MYO18B: variants seen among roughly 807,000 people sequenced by gnomAD.
MYO18B encodes the protein unconventional myosin-XVIIIb.
Under a neutral mutation model 273.0 loss-of-function variants are expected in MYO18B, and 204 were observed. The observed-to-expected ratio is 0.75, with a 90% CI of 0.67 to 0.84. MYO18B has a LOEUF of 0.84. Ranked by LOEUF, MYO18B falls within the 40% of genes least tolerant of loss-of-function variation. The pLI is 0.00. For missense variants in MYO18B, 3,212 were observed against 3,287.6 expected, an observed-to-expected ratio of 0.98 and a Z score of 0.56; for synonymous variants, 1,330 against 1,305.7, an observed-to-expected ratio of 1.02 and a Z score of -0.40.
chr22:25,760,112 G>A (rs2086255036), intron 1 of MYO18B, among the ~76,000 whole-genome samples: 1 of 152,210 alleles, frequency 6.6e-6, no homozygotes, highest in South Asian at 2.1e-4. Context: ...CATGGTGTTA[G>A]AAGTCAGAAT....
In MYO18B at chr22:25,981,348, G is replaced by T. The variant is rs562090496; in HGVS notation, c.6157-11015G>T. ...AAGATCTTTTGATGTTACTGTGACA[G>T]CCAGCCTCCCAGATGGTTCTCAGTG... On this transcript the variant is annotated intron_variant, in intron 39 of 43. Transcript: ENST00000335473. Among the ~76,000 whole-genome samples, 5 of 152,298 alleles carry T rather than the reference G, an allele frequency of 3.3e-5. No individual in the cohort carries two copies. The East Asian group carries it at 9.6e-4, about 29-fold the overall frequency.
At chr22:25,804,619 G>A (rs1453151556) in intron 12 of MYO18B, among the ~76,000 whole-genome samples, 2 of 152,218 alleles carry the variant, frequency 1.3e-5, no homozygotes, top group African/African-American at 4.8e-5. Context: ...GAGCACTCCT[G>A]AAGTCTAAGC....
At chr22:26,007,746 C>T (rs1471838218) in intron 42 of MYO18B, among the ~76,000 whole-genome samples, 1 of 152,162 alleles carries the variant, frequency 6.6e-6, no homozygotes, top group East Asian at 1.9e-4. Context: ...AGGGAAATAT[C>T]TTATCCAAAT....
intron 27 of MYO18B, among the ~76,000 whole-genome samples, chr22:25,893,830 C>T (rs2091729150): frequency 6.6e-6 from 1 of 151,598 alleles, no homozygotes; most frequent in South Asian, 2.1e-4. Flanking sequence ...TATCCATCTG[C>T]CCATCTACTC....
intron 21 of MYO18B, among the ~76,000 whole-genome samples, chr22:25,863,480 T>C (rs1009882820): frequency 6.6e-6 from 1 of 152,242 alleles, no homozygotes; most frequent in Non-Finnish European, 1.5e-5. Flanking sequence ...TTTAGTATTA[T>C]AACTTGTTTT....
intron 12 of MYO18B, among the ~76,000 whole-genome samples, chr22:25,809,010 C>T (rs1306164259): frequency 6.6e-6 from 1 of 152,118 alleles, no homozygotes; most frequent in Admixed American, 6.5e-5. Context: ...GTGGTGCAAT[C>T]TTGGCTTACA....
intron 1 of MYO18B, among the ~76,000 whole-genome samples, chr22:25,755,960 C>T (rs140298743): frequency 1.4e-4 from 22 of 151,978 alleles, no homozygotes; most frequent in East Asian, 1.4e-3. Context: ...TGCAGTGGCA[C>T]GATGTCAGCT....
the MYO18B span, among the ~76,000 whole-genome samples, chr22:26,057,065 T>C: frequency 6.6e-6 from 1 of 151,984 alleles, no homozygotes; most frequent in Non-Finnish European, 1.5e-5. Context: ...AGTGCAGACG[T>C]TCAAAATAAG....
intron 8 of MYO18B, among the ~76,000 whole-genome samples, chr22:25,778,628 C>T (rs191655115): frequency 6.4e-4 from 97 of 152,016 alleles, no homozygotes; most frequent in African/African-American, 2.0e-3. Context: ...TACAGGTACA[C>T]GCCACCACCC....
downstream of MYO18B, among the ~76,000 whole-genome samples, chr22:26,034,263 C>G (rs1031094391): frequency 6.6e-6 from 1 of 152,212 alleles, no homozygotes. Flanking sequence ...GCGTAGTAAG[C>G]GTCATCCAAG....
intron 11 of MYO18B, among the ~76,000 whole-genome samples, chr22:25,796,295 C>A (rs77043300): frequency 0.016 from 2,374 of 152,210 alleles, 54 homozygotes; most frequent in African/African-American, 0.053. Flanking sequence ...CTGTTAAAAT[C>A]TTTGGCAGGC....
intron 8 of MYO18B, among the ~76,000 whole-genome samples, 174 bp downstream of exon 8, chr22:25,777,955 G>A (rs977946454): frequency 8.5e-5 from 13 of 152,226 alleles, no homozygotes; most frequent in African/African-American, 3.1e-4. Context: ...GGATGCATTT[G>A]TTGAAATTAG....
chr22:25,965,916 C>T (rs189424622), intron 39 of MYO18B, among the ~76,000 whole-genome samples: 141 of 152,280 alleles, frequency 9.3e-4, no homozygotes, highest in African/African-American at 2.9e-3. Context: ...TGTTAGAAGG[C>T]GGTTGGCAGA....
intron 25 of MYO18B, among the ~76,000 whole-genome samples, chr22:25,879,106 C>T (rs930577730): frequency 1.3e-5 from 2 of 152,186 alleles, no homozygotes; most frequent in African/African-American, 4.8e-5. Flanking sequence ...AAATTCAGTG[C>T]ACCACCTGCT....
intron 12 of MYO18B, among the ~76,000 whole-genome samples, chr22:25,806,536 G>A (rs2088487565): frequency 6.6e-6 from 1 of 152,194 alleles, no homozygotes; most frequent in African/African-American, 2.4e-5. Context: ...GAAGGCAGCG[G>A]GAGGGGGCTC....
rs1237098348 is a variant in MYO18B, at chr22:25,763,267, C to A, written c.76C>A (p.Pro26Thr). 2 of 1,611,768 alleles carry A rather than the reference C, an allele frequency of 1.2e-6. No individual in the cohort carries two copies. The highest frequency in any genetic ancestry group is 3.4e-5 in the Admixed American group (2 of 59,368). The change falls in exon 3 of 44, where the codon CCC becomes ACC. Residue 26 changes from proline to threonine, a missense_variant. Transcript: ENST00000335473. The stretch of plus-strand genomic sequence containing the variant: ...GGACAAGAGCCCTCCACCATCCTCG[C>A]CCCCTCCTCTTTTCTCTGTCATCCC... ...EEDKSPPPSSPPPLFSVIPGG... is the reference protein window; with the variant it reads ...EEDKSPPPSSTPPLFSVIPGG...
chr22:26,029,022 ACAGACTGAGTAT>A (rs1936506367), intron 43 of MYO18B, among the ~76,000 whole-genome samples: 1 of 152,194 alleles, frequency 6.6e-6, no homozygotes, highest in African/African-American at 2.4e-5. Flanking sequence ...TACCAGGTTG[ACAGACTGAGTAT>A]CAGAAAGATT....
chr22:26,015,138 G>T (rs1301587847), intron 42 of MYO18B, among the ~76,000 whole-genome samples: 1 of 152,080 alleles, frequency 6.6e-6, no homozygotes, highest in Non-Finnish European at 1.5e-5. Flanking sequence ...GCCCATTCCT[G>T]TGTCCAGAAT....
intron 30 of MYO18B, 132 bp downstream of exon 30, chr22:25,902,868 A>G (rs766578510): frequency 3.0e-6 from 3 of 995,808 alleles, no homozygotes; most frequent in Non-Finnish European, 4.3e-6. Flanking sequence ...AAGCAGCTGA[A>G]TCCCAGTGTG....
Sources: gnomAD v4.1 joint callset for allele counts (sites outside exome capture counted in the v4.1 genomes callset) on GRCh38, gnomAD v4.1.1 for gene constraint, MANE v1.5 for transcripts, NCBI Gene and HGNC (gene_info 2026-07-23, HGNC 2026-07-21) for gene names.